The following KCNH7 variants were observed in gnomAD, a reference collection of about 807,000 sequenced individuals.
The protein encoded by KCNH7 is voltage-gated inwardly rectifying potassium channel KCNH7.
A neutral mutation model predicts 120.8 loss-of-function variants in KCNH7; 49 were observed. The ratio of observed to expected loss-of-function variants is 0.41; its 90% CI spans 0.32 to 0.51. KCNH7 has a LOEUF of 0.51. Among genes scored for constraint, KCNH7 ranks in the 20% least tolerant of loss-of-function variants. The probability of loss-of-function intolerance (pLI) is 0.38; values close to 1 mark genes in which losing one functional copy is unlikely to be tolerated. For missense variants in KCNH7, 1,097 were observed against 1,446.6 expected, an observed-to-expected ratio of 0.76 and a Z score of 3.92; for synonymous variants, 547 against 516.1, an observed-to-expected ratio of 1.06 and a Z score of -0.81.
intron 13 of KCNH7, among the ~76,000 whole-genome samples, chr2:162,381,827 G>T (rs903041291): frequency 6.6e-6 from 1 of 152,058 alleles, no homozygotes; most frequent in African/African-American, 2.4e-5. Flanking sequence ...TTTTCACTGA[G>T]AAGTATGATT....
chr2:162,400,051 A>G, intron 10 of KCNH7, 138 bp downstream of exon 10: 1 of 941,436 alleles, frequency 1.1e-6, no homozygotes, highest in Non-Finnish European at 1.6e-6. Flanking sequence ...ACTGAATTTT[A>G]AATGCAGCTT....
chr2:162,489,381 A>G (rs1335261638), intron 6 of KCNH7, among the ~76,000 whole-genome samples: 1 of 152,212 alleles, frequency 6.6e-6, no homozygotes. Flanking sequence ...AGCTAAAAAA[A>G]AAATGCAAAA....
intron 2 of KCNH7, among the ~76,000 whole-genome samples, chr2:162,759,971 T>C (rs992890087): frequency 5.3e-5 from 8 of 151,062 alleles, no homozygotes; most frequent in Non-Finnish European, 7.4e-5. Flanking sequence ...GTAATAACTT[T>C]GCATAGAGTG....
chr2:162,657,994 T>C (rs1330972063), intron 2 of KCNH7, among the ~76,000 whole-genome samples: 1 of 151,822 alleles, frequency 6.6e-6, no homozygotes, highest in East Asian at 2.0e-4. Flanking sequence ...GTGGGGATTT[T>C]TGTAGGTGAT....
intron 2 of KCNH7, among the ~76,000 whole-genome samples, chr2:162,655,060 T>C (rs1200439069): frequency 6.6e-6 from 1 of 152,186 alleles, no homozygotes; most frequent in Non-Finnish European, 1.5e-5. Context: ...AGATCTACTG[T>C]ACAATTAGGT....
intron 6 of KCNH7, among the ~76,000 whole-genome samples, chr2:162,476,440 T>C (rs887964884): frequency 6.6e-6 from 1 of 152,214 alleles, no homozygotes; most frequent in Non-Finnish European, 1.5e-5. Context: ...TAACTTCTTA[T>C]GAAGACAGAT....
At chr2:162,682,756 T>C (rs1350224405) in intron 2 of KCNH7, among the ~76,000 whole-genome samples, 6 of 151,812 alleles carry the variant, frequency 4.0e-5, no homozygotes, top group East Asian at 1.9e-4. Flanking sequence ...TTGTAAAGTA[T>C]AGACCTTGAA....
intron 2 of KCNH7, among the ~76,000 whole-genome samples, chr2:162,680,185 G>A (rs1194884850): frequency 6.6e-6 from 1 of 151,672 alleles, no homozygotes; most frequent in Non-Finnish European, 1.5e-5. Context: ...AAGAGTGGAA[G>A]GGTGGGTATG....
At chr2:162,725,719 G>T (rs1388787139) in intron 2 of KCNH7, among the ~76,000 whole-genome samples, 1 of 152,084 alleles carries the variant, frequency 6.6e-6, no homozygotes, top group African/African-American at 2.4e-5. Context: ...TGCCCAGAGG[G>T]ACATTATGAA....
chr2:162,400,280 G>A lies in KCNH7; in HGVS notation c.2316C>T (p.Leu772=), dbSNP rs756536838. The change falls in exon 10 of 16, where the codon CTC becomes CTT. Residue 772 remains leucine (L), a synonymous_variant. Transcript: ENST00000332142. ...KTTHAPPGDT[L]VHCGDVLTAL... is the part of the protein sequence containing the mutation. The stretch of plus-strand genomic sequence containing the variant: ...CAGTGAGGACATCCCCACAGTGAAC[G>A]AGGGTGTCTCCTGGAGGTGCATGGG... The A allele has an allele frequency of 8.1e-6, 13 of 1,612,324 alleles. No homozygotes were observed. Among genetic ancestry groups the A allele is most frequent in the African/African-American group, 4.0e-5 (3 of 74,796 alleles).
chr2:162,688,465 A>G (rs914148456), intron 2 of KCNH7, among the ~76,000 whole-genome samples: 2 of 152,150 alleles, frequency 1.3e-5, no homozygotes, highest in African/African-American at 4.8e-5. Flanking sequence ...AGCCTCAACA[A>G]ATAGGGAACC....
intron 2 of KCNH7, among the ~76,000 whole-genome samples, chr2:162,708,774 C>A (rs1457900578): frequency 6.6e-6 from 1 of 152,036 alleles, no homozygotes; most frequent in East Asian, 1.9e-4. Context: ...CACACCCTGT[C>A]ATCCTGGAGA....
intron 2 of KCNH7, among the ~76,000 whole-genome samples, chr2:162,783,649 A>T (rs1465555174): frequency 6.6e-6 from 1 of 152,220 alleles, no homozygotes; most frequent in African/African-American, 2.4e-5. Context: ...CTGATGCCTC[A>T]GCAAACACTC....
intron 10 of KCNH7, 24 bp from the exon 11 acceptor site, chr2:162,396,969 G>T: frequency 6.7e-7 from 1 of 1,501,616 alleles, no homozygotes; most frequent in Non-Finnish European, 9.2e-7. Flanking sequence ...AAGAAAAAGA[G>T]GCGGGGAAAG....
At position 162,778,006 on chromosome 2, in the gene KCNH7, A is replaced by T. The variant is rs555616270; in HGVS notation, c.307+58531T>A. ...TGACACTTTTTGGCATGCGTGTGGT[A>T]AATGAATGATTCTCCAAATAATAGC... is the stretch of plus-strand genomic sequence containing the variant. On this transcript the variant is annotated intron_variant, in intron 2 of 15. Transcript: ENST00000332142. Among the ~76,000 whole-genome samples the T allele has an allele frequency of 2.6e-5, 4 of 152,252 alleles. No individual in the cohort carries two copies. In the South Asian group the frequency reaches 8.3e-4, roughly 32 times the overall value.
chr2:162,655,748 G>C (rs185753834), intron 2 of KCNH7, among the ~76,000 whole-genome samples: 3 of 152,102 alleles, frequency 2.0e-5, no homozygotes. Context: ...AGCCGAGATG[G>C]TGCCACTGCA....
chr2:162,528,730 C>T (rs1039930571), intron 3 of KCNH7, among the ~76,000 whole-genome samples: 13 of 151,750 alleles, frequency 8.6e-5, no homozygotes, highest in South Asian at 6.2e-4. Flanking sequence ...ATGTGATGTA[C>T]GGCAATATAA....
chr2:162,544,944 T>C (rs1257149114), intron 2 of KCNH7, among the ~76,000 whole-genome samples: 1 of 152,156 alleles, frequency 6.6e-6, no homozygotes, highest in African/African-American at 2.4e-5. Flanking sequence ...TCGCTACATA[T>C]TATTATTACT....
chr2:162,836,169 G>T (rs1316461699), intron 2 of KCNH7, among the ~76,000 whole-genome samples: 4 of 152,138 alleles, frequency 2.6e-5, no homozygotes, highest in Non-Finnish European at 4.4e-5. Context: ...GTATTTTAAA[G>T]TTCAAACAAG....
Sources: allele counts gnomAD v4.1 joint callset (sites outside exome capture counted in the v4.1 genomes callset), GRCh38; gene constraint gnomAD v4.1.1; transcripts MANE v1.5; gene names NCBI Gene and HGNC (gene_info 2026-07-23, HGNC 2026-07-21).